The following MTPN variants were observed in gnomAD, a reference collection of about 807,000 sequenced individuals.
MTPN encodes myotrophin, also known as granule cell differentiation protein.
Under a neutral mutation model 13.5 loss-of-function variants are expected in MTPN, and 2 were observed. The observed-to-expected ratio is 0.15, with a 90% CI of 0.06 to 0.47. The LOEUF is 0.47. Among genes scored for constraint, MTPN ranks in the 20% least tolerant of loss-of-function variants. MTPN has a pLI of 0.97. For missense variants in MTPN, 79 were observed against 137.9 expected (o/e 0.57, Z 2.14); for synonymous variants, 46 against 51.7 (o/e 0.89, Z 0.48).
chr7:135,951,019 G>A (rs1166283661), intron 2 of MTPN, among the ~76,000 whole-genome samples: 1 of 152,098 alleles, frequency 6.6e-6, no homozygotes, highest in Non-Finnish European at 1.5e-5. Flanking sequence ...GTCCAGTAAG[G>A]GAAAACAGGG....
intron 1 of MTPN, among the ~76,000 whole-genome samples, chr7:135,969,238 T>TAAAAAAAAAAAAAA (rs57871609): frequency 2.7e-5 from 3 of 109,094 alleles, no homozygotes; most frequent in Non-Finnish European, 3.8e-5. Flanking sequence ...TAAAGTATAA[T>TAAAAAAAAAAAAAA]AAAAAAAAAA....
intron 3 of MTPN, among the ~76,000 whole-genome samples, chr7:135,934,143 C>CTAAT (rs1444741736): frequency 6.6e-6 from 1 of 152,158 alleles, no homozygotes; most frequent in Non-Finnish European, 1.5e-5. Context: ...TAAGAACAGA[C>CTAAT]TAATTCATGA....
At chr7:135,931,365 G>T (rs1038608448) in intron 3 of MTPN, among the ~76,000 whole-genome samples, 3 of 152,110 alleles carry the variant, frequency 2.0e-5, no homozygotes, top group Admixed American at 1.3e-4. Flanking sequence ...AAAGTCTTCC[G>T]GGATGAGGTA....
intron 3 of MTPN, among the ~76,000 whole-genome samples, chr7:135,933,501 G>C (rs1469022430): frequency 6.6e-6 from 1 of 151,866 alleles, no homozygotes; most frequent in Admixed American, 6.6e-5. Flanking sequence ...TTTCTATTTT[G>C]TCAAGATTAA....
At chr7:135,961,080 A>G (rs1051091546) in intron 1 of MTPN, among the ~76,000 whole-genome samples, 1 of 152,124 alleles carries the variant, frequency 6.6e-6, no homozygotes. Flanking sequence ...TATTCAAATT[A>G]AGAAAACTCA....
intron 1 of MTPN, among the ~76,000 whole-genome samples, chr7:135,957,665 C>T (rs1399710124): frequency 6.6e-6 from 1 of 151,988 alleles, no homozygotes; most frequent in Admixed American, 6.6e-5. Flanking sequence ...AAATTTGATC[C>T]CAATATTAGA....
intron 3 of MTPN, chr7:135,932,379 A>ACTAG (rs1799037121): frequency 6.6e-6 from 1 of 152,062 alleles, no homozygotes; most frequent in Non-Finnish European, 1.5e-5. Flanking sequence ...TGATTCTGCA[A>ACTAG]CTAGGCCAGT....
intron 1 of MTPN, among the ~76,000 whole-genome samples, chr7:135,958,571 T>C (rs1238893587): frequency 6.6e-6 from 1 of 152,212 alleles, no homozygotes; most frequent in Non-Finnish European, 1.5e-5. Context: ...AGAACCTTGC[T>C]GATCAGTCCA....
At chr7:135,973,236 A>G (rs1020149574) in intron 1 of MTPN, among the ~76,000 whole-genome samples, 1 of 147,018 alleles carries the variant, frequency 6.8e-6, no homozygotes, top group Non-Finnish European at 1.5e-5. Flanking sequence ...TCCAGCCTGG[A>G]CTATATATTC....
rs1798936529 is a variant in MTPN at position 135,927,373 on chromosome 7, CTTTG to C, written c.*2549_*2552del. On this transcript the variant is annotated 3_prime_UTR_variant, in exon 4 of 4. Coordinates refer to ENST00000393085, the MANE Select transcript of MTPN (RefSeq NM_145808.4). ...TAACAGTCTGAAGCTGCAAGGGAGACTTTGTTAGTACACTACTATAAACAGGTAA... is the reference window on the plus strand; with the variant it reads ...TAACAGTCTGAAGCTGCAAGGGAGACTTAGTACACTACTATAAACAGGTAA... The C allele has an allele frequency of 1.9e-6, 3 of 1,550,196 alleles. No individual in the cohort carries two copies. The East Asian group carries it at 7.3e-5, about 38-fold the overall frequency.
intron 3 of MTPN, among the ~76,000 whole-genome samples, chr7:135,930,896 C>T (rs964720506): frequency 1.3e-5 from 2 of 152,036 alleles, no homozygotes; most frequent in African/African-American, 2.4e-5. Flanking sequence ...TCTCTAGAGT[C>T]CTGACCCACT....
At chr7:135,964,787 G>A (rs1208901660) in intron 1 of MTPN, among the ~76,000 whole-genome samples, 5 of 151,818 alleles carry the variant, frequency 3.3e-5, no homozygotes, top group Non-Finnish European at 7.4e-5. Flanking sequence ...TAATGTTTTT[G>A]AAAATGCTGA....
intron 1 of MTPN, among the ~76,000 whole-genome samples, chr7:135,958,412 T>G (rs1332193040): frequency 1.3e-5 from 2 of 152,216 alleles, no homozygotes; most frequent in South Asian, 4.1e-4. Context: ...GTGGTATTTT[T>G]AAAACCTTAT....
rs557329101 is a variant in MTPN at position 135,928,897 on chromosome 7, A to G, written c.*1029T>C. 5 of 167,240 alleles carry G rather than the reference A, an allele frequency of 3.0e-5. No homozygotes were observed. The highest frequency in any genetic ancestry group is 3.9e-4 in the East Asian group (2 of 5,192). 10.4% of individuals were successfully genotyped at this position (167,240 alleles called of 1,614,324 possible). A position where few individuals can be genotyped will look rare whatever the true frequency, so the allele number is the denominator to read the frequency against. ...TGAAGGGATGGGGCTAAATTTGTCC[A>G]AACAGTAAATCTCACCCCAGTGATA... On this transcript the variant is annotated 3_prime_UTR_variant, in exon 4 of 4. Transcript: ENST00000393085.
intron 3 of MTPN, among the ~76,000 whole-genome samples, chr7:135,947,325 C>T (rs534527036): frequency 6.6e-6 from 1 of 152,238 alleles, no homozygotes; most frequent in East Asian, 1.9e-4. Context: ...CTCTCTTGCT[C>T]TTATTTGGGA....
chr7:135,932,302 T>C (rs1250276301), intron 3 of MTPN: 1 of 152,164 alleles, frequency 6.6e-6, no homozygotes, highest in Non-Finnish European at 1.5e-5. Context: ...GACAAGTTCC[T>C]GCTACCCAGA....
intron 3 of MTPN, among the ~76,000 whole-genome samples, chr7:135,930,765 G>A (rs973817317): frequency 6.6e-6 from 1 of 152,142 alleles, no homozygotes; most frequent in Non-Finnish European, 1.5e-5. Context: ...GTGCCTAGGT[G>A]CATGGTAGGT....
intron 3 of MTPN, among the ~76,000 whole-genome samples, chr7:135,937,711 A>T (rs1336601086): frequency 1.3e-5 from 2 of 152,090 alleles, no homozygotes; most frequent in Admixed American, 6.6e-5. Flanking sequence ...AGTTACATGG[A>T]GTGTGCCTGC....
At position 135,927,956 on chromosome 7, in the gene MTPN, A is replaced by C; in HGVS notation, c.*1970T>G. Reference sequence around the variant, plus strand: ...TAAAGGTGAAAATTATATAAAGGGAAAAATTCAAGCCTTTAAATAGCATTA... The same window carrying C: ...TAAAGGTGAAAATTATATAAAGGGACAAATTCAAGCCTTTAAATAGCATTA... On this transcript the variant is annotated 3_prime_UTR_variant, in exon 4 of 4. Coordinates refer to ENST00000393085, the MANE Select transcript of MTPN (RefSeq NM_145808.4). 1 of 298,682 alleles carries C rather than the reference A, an allele frequency of 3.3e-6. No homozygotes were observed. The allele number at this position is 298,682 out of a possible 1,614,324, so 18.5% of individuals were successfully genotyped here.
Sources: allele counts gnomAD v4.1 joint callset (sites outside exome capture counted in the v4.1 genomes callset), GRCh38; gene constraint gnomAD v4.1.1; transcripts MANE v1.5; gene names NCBI Gene and HGNC (gene_info 2026-07-23, HGNC 2026-07-21).